POC1B: variants seen among roughly 807,000 people sequenced by gnomAD.
POC1B encodes the protein POC1 centriolar protein B.
A neutral mutation model predicts 60.6 loss-of-function variants in POC1B; 44 were observed. The ratio of observed to expected loss-of-function variants is 0.73; its 90% CI spans 0.57 to 0.93. POC1B has a LOEUF of 0.93. POC1B is among the 40% of genes least tolerant of loss of function. The pLI, the probability that POC1B is intolerant of heterozygous loss-of-function variation, is 0.00. For synonymous variants in POC1B, 180 were observed against 198.9 expected, an observed-to-expected ratio of 0.90 and a Z score of 0.80; for missense variants, 555 against 572.3, an observed-to-expected ratio of 0.97 and a Z score of 0.31.
chr12:89,428,217 CA>C (rs1880857083), intron 10 of POC1B: 1 of 152,310 alleles, frequency 6.6e-6, no homozygotes, highest in Non-Finnish European at 1.5e-5. Context: ...AACAAACAAA[CA>C]AAAAACATTG....
Position 89,459,631 on chromosome 12 carries a change from G to GAAAAAA in POC1B, c.1113+6_1113+7insTTTTTT, listed in dbSNP as rs1565734490. The GAAAAAA allele has an allele frequency of 1.5e-6, 2 of 1,314,060 alleles. No individual in the cohort carries two copies. Among genetic ancestry groups the GAAAAAA allele is most frequent in the African/African-American group, 1.6e-5 (1 of 63,260 alleles). The allele number at this position is 1,314,060 out of a possible 1,614,324, so 81.4% of individuals were successfully genotyped here. ...GTGTCAAAAAAAAAAAAAAAAACCC[G>GAAAAAA]ACTTACTGTGGTAGAATCAAAAGAA... On this transcript the variant is annotated splice_region_variant and intron_variant, in intron 10 of 11. Transcript: ENST00000313546.
chr12:89,493,409 A>C (rs1420364096), intron 3 of POC1B, among the ~76,000 whole-genome samples: 2 of 152,346 alleles, frequency 1.3e-5, no homozygotes, highest in Non-Finnish European at 2.9e-5. Flanking sequence ...TGGAACAGTC[A>C]ATAAAGGCTC....
chr12:89,467,709 A>T lies in POC1B; in HGVS notation c.811-24T>A, dbSNP rs76401476. Reference sequence around the variant, plus strand: ...CCCTGAGAAATAAAGGGAAATAAAGAAAAAAAGTACTTGGTAATGCTTTCT... The same window carrying T: ...CCCTGAGAAATAAAGGGAAATAAAGTAAAAAAGTACTTGGTAATGCTTTCT... On this transcript the variant is annotated intron_variant, in intron 7 of 11. Coordinates refer to ENST00000313546, the MANE Select transcript of POC1B (RefSeq NM_172240.3). 1,328 of 1,569,294 alleles carry T rather than the reference A, an allele frequency of 8.5e-4. 15 individuals carry two copies. The African/African-American group carries it at 0.015, about 17-fold the overall frequency.
intron 10 of POC1B, among the ~76,000 whole-genome samples, chr12:89,432,455 A>G (rs1881076746): frequency 6.7e-6 from 1 of 150,122 alleles, no homozygotes; most frequent in Non-Finnish European, 1.5e-5. Flanking sequence ...TTTGCCATGT[A>G]AGGAAACATT....
intron 10 of POC1B, among the ~76,000 whole-genome samples, chr12:89,450,439 C>A (rs1411697135): frequency 6.6e-6 from 1 of 152,198 alleles, no homozygotes; most frequent in Non-Finnish European, 1.5e-5. Flanking sequence ...AACTCCTGAT[C>A]TTGTGATTTG....
At chr12:89,464,252 T>C (rs1292706980) in intron 9 of POC1B, among the ~76,000 whole-genome samples, 1 of 152,194 alleles carries the variant, frequency 6.6e-6, no homozygotes, top group Non-Finnish European at 1.5e-5. Context: ...AATTTAGTAT[T>C]TCAAAGTAAA....
intron 10 of POC1B, among the ~76,000 whole-genome samples, chr12:89,434,844 G>C (rs527653954): frequency 1.3e-5 from 2 of 152,026 alleles, no homozygotes; most frequent in East Asian, 3.8e-4. Flanking sequence ...CTTTCACACT[G>C]TTCAACAAAC....
In POC1B at chr12:89,425,279, G is replaced by A. The variant is rs556245269; in HGVS notation, c.1214C>T (p.Thr405Ile). ...CATGTCTTCTGTTTTCTTTTTCGTG[G>A]TTGTTGGCAAACATTCTGGTGACAT... ...SLMSPECLPT[T>I]TKKKTEDMSD... Residue 405 changes from threonine (T) to isoleucine (I), a missense_variant, in exon 11 of 12, where the codon ACC (threonine) becomes ATC (isoleucine). By Grantham distance (89) the Thr-to-Ile change is moderately conservative. Coordinates refer to ENST00000313546, the MANE Select transcript of POC1B (RefSeq NM_172240.3). The A allele has an allele frequency of 1.3e-5, 21 of 1,613,908 alleles. No homozygotes were observed. Among genetic ancestry groups the A allele is most frequent in the Non-Finnish European group, 1.7e-5 (20 of 1,180,010 alleles).
At chr12:89,498,736 C>T (rs1347321658) in intron 2 of POC1B, among the ~76,000 whole-genome samples, 1 of 152,044 alleles carries the variant, frequency 6.6e-6, no homozygotes, top group African/African-American at 2.4e-5. Flanking sequence ...TTACCCAAGG[C>T]TAATGCAGAC....
chr12:89,526,014 G>A lies in POC1B; in HGVS notation c.-119C>T. On this transcript the variant is annotated 5_prime_UTR_variant, in exon 1 of 12. Coordinates refer to ENST00000313546, the MANE Select transcript of POC1B (RefSeq NM_172240.3). ...GGAACCGTCTGCCCAGAGCGGCAGCGCCTCCCGGTCACTACAACAACGGCG... is the reference window on the plus strand; with the variant it reads ...GGAACCGTCTGCCCAGAGCGGCAGCACCTCCCGGTCACTACAACAACGGCG... 2 of 1,538,658 alleles carry A rather than the reference G, an allele frequency of 1.3e-6. No homozygotes were observed. The highest frequency in any genetic ancestry group is 3.9e-5 in the Admixed American group (2 of 50,900).
At chr12:89,456,953 A>G (rs933325664) in intron 10 of POC1B, among the ~76,000 whole-genome samples, 1 of 152,236 alleles carries the variant, frequency 6.6e-6, no homozygotes, top group Non-Finnish European at 1.5e-5. Context: ...AATTTTACAA[A>G]TTAAGGTTTA....
At chr12:89,434,768 A>G (rs1881181773) in intron 10 of POC1B, among the ~76,000 whole-genome samples, 1 of 152,252 alleles carries the variant, frequency 6.6e-6, no homozygotes. Flanking sequence ...TATCTGTTCC[A>G]TAACAAATTC....
chr12:89,436,095 C>A (rs1027164730), intron 10 of POC1B, among the ~76,000 whole-genome samples: 19 of 151,902 alleles, frequency 1.3e-4, no homozygotes, highest in African/African-American at 4.6e-4. Flanking sequence ...CAGGTGCACA[C>A]CACCATTCCC....
At chr12:89,485,584 G>A (rs538313531) in intron 4 of POC1B, among the ~76,000 whole-genome samples, 22 of 152,180 alleles carry the variant, frequency 1.4e-4, no homozygotes, top group African/African-American at 5.3e-4. Flanking sequence ...TTAAGGTACC[G>A]GTAAGATAAA....
intron 2 of POC1B, among the ~76,000 whole-genome samples, chr12:89,513,572 A>G (rs558128811): frequency 2.2e-4 from 34 of 152,328 alleles, no homozygotes; most frequent in Admixed American, 2.2e-3. Flanking sequence ...GTTTGTTTAA[A>G]CTTTAATGTG....
At chr12:89,451,485 G>A (rs1418861358) in intron 10 of POC1B, among the ~76,000 whole-genome samples, 1 of 143,714 alleles carries the variant, frequency 7.0e-6, no homozygotes, top group Admixed American at 7.1e-5. Context: ...TGAGTTGGTT[G>A]GTTGGTTGGC....
intron 4 of POC1B, among the ~76,000 whole-genome samples, chr12:89,477,058 T>G (rs1254225030): frequency 6.6e-6 from 1 of 152,178 alleles, no homozygotes. Flanking sequence ...TATGTAATCT[T>G]GTAAACTCAC....
downstream of POC1B, among the ~76,000 whole-genome samples, chr12:89,416,868 T>C (rs1380415754): frequency 6.6e-6 from 1 of 152,230 alleles, no homozygotes; most frequent in Non-Finnish European, 1.5e-5. Context: ...GCTTGCTCTG[T>C]CTCTGGAAGC....
At chr12:89,489,762 G>A (rs1048609118) in intron 4 of POC1B, among the ~76,000 whole-genome samples, 1 of 152,196 alleles carries the variant, frequency 6.6e-6, no homozygotes, top group African/African-American at 2.4e-5. Context: ...CCACCTCTGT[G>A]CCATACCCCA....
Sources: gnomAD v4.1 joint callset for allele counts (sites outside exome capture counted in the v4.1 genomes callset) on GRCh38, gnomAD v4.1.1 for gene constraint, MANE v1.5 for transcripts, NCBI Gene and HGNC (gene_info 2026-07-23, HGNC 2026-07-21) for gene names.